NAV1: variants seen among roughly 807,000 people sequenced by gnomAD.
NAV1 encodes the protein neuron navigator 1.
Under a neutral mutation model 175.2 loss-of-function variants are expected in NAV1, and 18 were observed. That is an observed-to-expected ratio of 0.10 (90% CI 0.07 to 0.15). The LOEUF is 0.15. Among genes scored for constraint, NAV1 ranks in the 10% least tolerant of loss-of-function variants. The pLI is 1.00. For missense variants in NAV1, 1,731 were observed against 2,436.6 expected (o/e 0.71, Z 6.10); for synonymous variants, 897 against 978.7 (o/e 0.92, Z 1.56).
chr1:201,570,589 GA>G (rs1284794005), intron 1 of NAV1, among the ~76,000 whole-genome samples: 1 of 152,012 alleles, frequency 6.6e-6, no homozygotes, highest in Non-Finnish European at 1.5e-5. Context: ...CCACCAGTGA[GA>G]AAAAAAAGCT....
chr1:201,622,011 T>C (rs1668186398), upstream of NAV1, among the ~76,000 whole-genome samples: 1 of 152,192 alleles, frequency 6.6e-6, no homozygotes, highest in South Asian at 2.1e-4. Context: ...GGATAATTAA[T>C]GAGTCAAGGT....
intron 2 of NAV1, among the ~76,000 whole-genome samples, chr1:201,604,650 C>T (rs1321869145): frequency 1.4e-5 from 2 of 146,332 alleles, no homozygotes; most frequent in Non-Finnish European, 3.0e-5. Context: ...CCACTGCACT[C>T]CAGCCTGGGT....
At chr1:201,824,886 C>T (rs550733298) in exon 30 of NAV1, 2 of 152,084 alleles carry the variant, frequency 1.3e-5, no homozygotes, top group Non-Finnish European at 2.9e-5. Flanking sequence ...TGAGAGGACC[C>T]GGCAATCCAC....
At chr1:201,612,300 A>G (rs1667870481) in intron 2 of NAV1, among the ~76,000 whole-genome samples, 1 of 152,168 alleles carries the variant, frequency 6.6e-6, no homozygotes, top group Non-Finnish European at 1.5e-5. Flanking sequence ...AAATTAAAAA[A>G]CAAAATTATC....
chr1:201,637,982 T>C (rs34176293), intron 2 of NAV1, among the ~76,000 whole-genome samples: 23,824 of 152,186 alleles, frequency 0.16, 2,198 homozygotes, highest in Admixed American at 0.33. Flanking sequence ...GGGCTCTTTA[T>C]TAGCCTGAGG....
At chr1:201,653,348 TC>T (rs1300961020) in intron 1 of NAV1, among the ~76,000 whole-genome samples, 2 of 152,194 alleles carry the variant, frequency 1.3e-5, no homozygotes, top group East Asian at 3.9e-4. Flanking sequence ...AACCTGGACT[TC>T]CTAGTCCCTC....
At position 201,756,904 on chromosome 1, in the gene NAV1, C is replaced by T. The variant is rs1674546607; in HGVS notation, c.1227-23517C>T. Among the ~76,000 whole-genome samples, 3 of 141,670 alleles carry T rather than the reference C, an allele frequency of 2.1e-5. No homozygotes were observed. In the Admixed American group the frequency reaches 2.2e-4, roughly 11 times the overall value. The allele number at this position is 141,670 out of a possible 152,430, so 92.9% of individuals were successfully genotyped here. On this transcript the variant is annotated intron_variant, in intron 3 of 29. Transcript: ENST00000367296. ...TCTTTCTCTGTCTTTCTCCCCACTA[C>T]TTTGGCTTTCTTTGTGATTGATCAG...
chr1:201,569,088 A>G (rs954681923), intron 1 of NAV1, among the ~76,000 whole-genome samples: 1 of 151,798 alleles, frequency 6.6e-6, no homozygotes, highest in African/African-American at 2.4e-5. Context: ...AACCCAGGCC[A>G]CTCCCCCAGC....
chr1:201,619,249 C>G (rs1035659872), upstream of NAV1, among the ~76,000 whole-genome samples: 5 of 152,236 alleles, frequency 3.3e-5, no homozygotes, highest in Admixed American at 2.6e-4. Context: ...AGCCTTAGGG[C>G]TCTTTTAGCT....
At chr1:201,667,335 G>T (rs1669863315) in intron 1 of NAV1, among the ~76,000 whole-genome samples, 1 of 152,184 alleles carries the variant, frequency 6.6e-6, no homozygotes, top group South Asian at 2.1e-4. Context: ...AGTGGGCTAA[G>T]TGCTGTTCCC....
intron 1 of NAV1, among the ~76,000 whole-genome samples, chr1:201,558,554 G>A (rs1010197072): frequency 1.3e-5 from 2 of 152,204 alleles, no homozygotes; most frequent in Admixed American, 1.3e-4. Flanking sequence ...GCGGGTTCAA[G>A]CGATTCTCCT....
Position 201,782,921 on chromosome 1 carries a change from G to C in NAV1, c.2357+52G>C, listed in dbSNP as rs764453038. The stretch of plus-strand genomic sequence containing the variant: ...TGTCTGTTTGCTTTGTCATTCTTTC[G>C]CATATCTCTGCCCTCCTTGGACTAG... On this transcript the variant is annotated intron_variant, in intron 6 of 29. Transcript: ENST00000367296. This position sits in a 1 kb window ranked among gnomAD's most constrained non-coding sequence, Gnocchi z 5.4. 2.1e-6 allele frequency: 3 copies of C among 1,462,250 alleles called. No individual in the cohort carries two copies. The highest frequency in any genetic ancestry group is 2.8e-6 in the Non-Finnish European group (3 of 1,080,992). 90.6% of individuals were successfully genotyped at this position (1,462,250 alleles called of 1,614,324 possible).
At chr1:201,789,903 C>A in intron 11 of NAV1, 111 bp downstream of exon 15, 4 of 1,016,852 alleles carry the variant, frequency 3.9e-6, no homozygotes, top group Non-Finnish European at 6.2e-6. Flanking sequence ...GCACTGCTGG[C>A]TCTTCACTGT....
At chr1:201,632,433 G>A (rs1668503522) in intron 2 of NAV1, among the ~76,000 whole-genome samples, 1 of 152,212 alleles carries the variant, frequency 6.6e-6, no homozygotes, top group Non-Finnish European at 1.5e-5. Flanking sequence ...TGACAGCCCA[G>A]CACTGGTCCC....
In NAV1 at chr1:201,626,104, T is replaced by G. The variant is rs141348030; in HGVS notation, c.-101+2498T>G. Among the ~76,000 whole-genome samples the G allele has an allele frequency of 4.8e-4, 73 of 152,258 alleles. 1 individual carries two copies. The East Asian group carries it at 0.011, about 23-fold the overall frequency. ...AGGGTGCGATTAGGACCAAGGACAC[T>G]CCGAGATGCTGCACGCCAATGGGCA... On this transcript the variant is annotated intron_variant, in intron 1 of 29. Transcript: ENST00000367302.
chr1:201,658,556 G>T (rs1424292269), intron 1 of NAV1, among the ~76,000 whole-genome samples: 4 of 152,166 alleles, frequency 2.6e-5, no homozygotes, highest in Admixed American at 1.3e-4. Flanking sequence ...AGATGGAAAA[G>T]GTGGTGAAAG....
intron 1 of NAV1, among the ~76,000 whole-genome samples, chr1:201,677,679 G>C (rs567969699): frequency 6.6e-6 from 1 of 152,282 alleles, no homozygotes; most frequent in Admixed American, 6.5e-5. Context: ...CCAGGCTGAA[G>C]TGCAGTGGCA....
At chr1:201,648,421 CTCCCCGGCTTCCCTGCTCTTTCCTTT>C in exon 1 of NAV1, 1 of 1,228,980 alleles carries the variant, frequency 8.1e-7, no homozygotes, top group African/African-American at 1.6e-5. Context: ...CGCCCTATCG[CTCCCCGGCTTCCCTGCTCTTTCCTTT>C]TTCCCGGCTT....
intron 1 of NAV1, among the ~76,000 whole-genome samples, chr1:201,708,027 A>G (rs574980434): frequency 2.8e-4 from 43 of 152,272 alleles, no homozygotes; most frequent in Middle Eastern, 3.4e-3. Context: ...GTAGCTGGGC[A>G]TTATTTGATT....
Sources: allele counts gnomAD v4.1 joint callset (sites outside exome capture counted in the v4.1 genomes callset), GRCh38; gene constraint gnomAD v4.1.1; non-coding constraint Gnocchi (gnomAD v3.1); transcripts MANE v1.5; gene names NCBI Gene and HGNC (gene_info 2026-07-23, HGNC 2026-07-21).